The following LRRC1 variants were observed in gnomAD, a reference collection of about 807,000 sequenced individuals.
LRRC1 encodes leucine rich repeat containing 1.
Under a neutral mutation model 69.9 loss-of-function variants are expected in LRRC1, and 28 were observed. The observed-to-expected ratio is 0.40, with a 90% CI of 0.30 to 0.55. The LOEUF is 0.55. Among genes scored for constraint, LRRC1 ranks in the 20% least tolerant of loss-of-function variants. The probability of loss-of-function intolerance (pLI) is 0.47; values close to 1 mark genes in which losing one functional copy is unlikely to be tolerated. For missense variants in LRRC1, 498 were observed against 609.0 expected, an observed-to-expected ratio of 0.82 and a Z score of 1.92; for synonymous variants, 236 against 240.2, an observed-to-expected ratio of 0.98 and a Z score of 0.16.
At chr6:53,895,684 T>A (rs148412916) in intron 4 of LRRC1, among the ~76,000 whole-genome samples, 1 of 152,332 alleles carries the variant, frequency 6.6e-6, no homozygotes, top group African/African-American at 2.4e-5. Flanking sequence ...TGACATAACT[T>A]CATGAGGGTT....
intron 8 of LRRC1, among the ~76,000 whole-genome samples, chr6:53,900,295 C>T (rs1226350549): frequency 6.6e-6 from 1 of 152,156 alleles, no homozygotes; most frequent in African/African-American, 2.4e-5. Flanking sequence ...CCTCCGCCTC[C>T]CAAAGTGCTG....
chr6:53,884,280 G>A, intron 4 of LRRC1: 1 of 376,886 alleles, frequency 2.7e-6, no homozygotes. Flanking sequence ...TGAGGTGGGA[G>A]GATTCCTTGA....
intron 1 of LRRC1, among the ~76,000 whole-genome samples, chr6:53,802,004 A>G (rs1201906075): frequency 1.3e-5 from 2 of 152,224 alleles, no homozygotes; most frequent in Non-Finnish European, 2.9e-5. Flanking sequence ...TAAAAAGCTT[A>G]AAAGCCTTGT....
chr6:53,848,918 C>T (rs1415127240), intron 2 of LRRC1, among the ~76,000 whole-genome samples: 4 of 151,988 alleles, frequency 2.6e-5, no homozygotes, highest in South Asian at 4.2e-4. Context: ...CCACCAAGCC[C>T]GGCTAATTTT....
intron 2 of LRRC1, among the ~76,000 whole-genome samples, chr6:53,861,423 T>G (rs1184306274): frequency 6.6e-6 from 1 of 150,916 alleles, no homozygotes; most frequent in African/African-American, 2.4e-5. Context: ...TAGACCTCCT[T>G]TATCTGAATC....
Position 53,856,746 on chromosome 6 carries a change from GT to G in LRRC1, c.277+14522del, listed in dbSNP as rs143021412. ...GAAAGCTGTGGGGAATCATGAAAGG[GT>G]TTCAGGCAGGGGAATGGCTCACATA... is the stretch of plus-strand genomic sequence containing the variant. On this transcript the variant is annotated intron_variant, in intron 2 of 13. Transcript: ENST00000370888. Among the ~76,000 whole-genome samples, 1,204 of 152,288 alleles carry G rather than the reference GT, an allele frequency of 7.9e-3. 17 individuals carry two copies. Among genetic ancestry groups the G allele is most frequent in the African/African-American group, 0.028 (1,150 of 41,554 alleles).
At chr6:53,870,811 C>A (rs1766858599) in intron 2 of LRRC1, among the ~76,000 whole-genome samples, 1 of 152,176 alleles carries the variant, frequency 6.6e-6, no homozygotes, top group Non-Finnish European at 1.5e-5. Flanking sequence ...CCTTCCTAGG[C>A]TCTCTTAATC....
At chr6:53,833,533 T>C (rs1765492716) in intron 1 of LRRC1, among the ~76,000 whole-genome samples, 1 of 152,218 alleles carries the variant, frequency 6.6e-6, no homozygotes, top group African/African-American at 2.4e-5. Flanking sequence ...TGTAAGCATC[T>C]TTATTATAAA....
intron 1 of LRRC1, among the ~76,000 whole-genome samples, chr6:53,831,623 A>G (rs1386427145): frequency 3.3e-5 from 5 of 152,218 alleles, no homozygotes; most frequent in Non-Finnish European, 7.3e-5. Flanking sequence ...GGTCATCTTC[A>G]GCATTACTTA....
intron 12 of LRRC1, 103 bp from the exon 13 acceptor site, chr6:53,920,522 C>T (rs1440474387): frequency 1.5e-6 from 2 of 1,298,712 alleles, no homozygotes; most frequent in Non-Finnish European, 2.2e-6. Flanking sequence ...GTGTTCTACC[C>T]CTGGTCCTCC....
intron 2 of LRRC1, among the ~76,000 whole-genome samples, chr6:53,870,622 A>G (rs1256262944): frequency 6.6e-6 from 1 of 152,182 alleles, no homozygotes; most frequent in Non-Finnish European, 1.5e-5. Flanking sequence ...CTCAACATTT[A>G]TAATTTCTTT....
intron 1 of LRRC1, among the ~76,000 whole-genome samples, chr6:53,819,538 T>G (rs1444773037): frequency 6.6e-6 from 1 of 152,134 alleles, no homozygotes; most frequent in Non-Finnish European, 1.5e-5. Context: ...CTTTGTCTGC[T>G]TGGACATCTG....
rs562164719 is a variant in LRRC1 at position 53,895,431 on chromosome 6, A to G, written c.447-1067A>G. Among the ~76,000 whole-genome samples the G allele has an allele frequency of 2.0e-5, 3 of 152,302 alleles. No individual in the cohort carries two copies. In the East Asian group the frequency reaches 5.8e-4, roughly 29 times the overall value. On this transcript the variant is annotated intron_variant, in intron 4 of 13. Transcript: ENST00000370888. ...ATGTTATAAAACCAGCCTTGTTAGTACACGTGATTCTGGCTTTTTTGTTGG... is the reference window on the plus strand; with the variant it reads ...ATGTTATAAAACCAGCCTTGTTAGTGCACGTGATTCTGGCTTTTTTGTTGG...
intron 7 of LRRC1, among the ~76,000 whole-genome samples, chr6:53,898,067 T>C (rs552442050): frequency 2.0e-5 from 3 of 152,198 alleles, no homozygotes; most frequent in Admixed American, 1.3e-4. Context: ...TCACAGCCAG[T>C]TTTTCATGTG....
chr6:53,861,814 A>T (rs1766535410), intron 2 of LRRC1, among the ~76,000 whole-genome samples: 1 of 151,916 alleles, frequency 6.6e-6, no homozygotes, highest in African/African-American at 2.4e-5. Flanking sequence ...TCTCTAATTG[A>T]CAAACACTAT....
rs151104476 is a variant in LRRC1, at chr6:53,871,729, G to A, written c.278-7264G>A. On this transcript the variant is annotated intron_variant, in intron 2 of 13. Coordinates refer to ENST00000370888, the MANE Select transcript of LRRC1 (RefSeq NM_018214.5). ...GTTGCCCAGGCTTGGGTGCAGTATC[G>A]TGATCTCAGCTCACTGCAACCTCTG... Among the ~76,000 whole-genome samples the A allele has an allele frequency of 2.4e-3, 358 of 152,172 alleles. 1 individual carries two copies. The highest frequency in any genetic ancestry group is 4.2e-3 in the Non-Finnish European group (286 of 68,010).
chr6:53,809,319 AT>A (rs1400140248), intron 1 of LRRC1, among the ~76,000 whole-genome samples: 1 of 152,230 alleles, frequency 6.6e-6, no homozygotes, highest in Non-Finnish European at 1.5e-5. Flanking sequence ...GAAAACAAGC[AT>A]TTTACAATAG....
At chr6:53,865,705 AACTT>A (rs1195497221) in intron 2 of LRRC1, among the ~76,000 whole-genome samples, 4 of 148,286 alleles carry the variant, frequency 2.7e-5, no homozygotes, top group African/African-American at 5.0e-5. Context: ...AATGACAGAG[AACTT>A]ACTTAATGAC....
chr6:53,895,677 CAT>C (rs568121532), intron 4 of LRRC1, among the ~76,000 whole-genome samples: 346 of 152,326 alleles, frequency 2.3e-3, no homozygotes, highest in Non-Finnish European at 4.0e-3. Flanking sequence ...CCAGTGCTGA[CAT>C]AACTTCATGA....
Sources: gnomAD v4.1 joint callset for allele counts (sites outside exome capture counted in the v4.1 genomes callset) on GRCh38, gnomAD v4.1.1 for gene constraint, MANE v1.5 for transcripts, NCBI Gene and HGNC (gene_info 2026-07-23, HGNC 2026-07-21) for gene names.